MAPK10: variants seen among roughly 807,000 people sequenced by gnomAD.
MAPK10 encodes mitogen-activated protein kinase 10.
Under a neutral mutation model 59.3 loss-of-function variants are expected in MAPK10, and 25 were observed. The observed-to-expected ratio is 0.42, with a 90% CI of 0.31 to 0.59. The LOEUF is 0.59. Among genes scored for constraint, MAPK10 ranks in the 20% least tolerant of loss-of-function variants. The pLI is 0.15. For missense variants in MAPK10, 351 were observed against 568.9 expected (o/e 0.62, Z 3.90); for synonymous variants, 190 against 200.5 (o/e 0.95, Z 0.44).
intron 4 of MAPK10, among the ~76,000 whole-genome samples, chr4:86,155,877 A>G (rs971957364): frequency 7.2e-5 from 11 of 152,024 alleles, no homozygotes; most frequent in Admixed American, 5.2e-4. Flanking sequence ...AAATTTGAAC[A>G]CAAGCACTGC....
intron 1 of MAPK10, among the ~76,000 whole-genome samples, chr4:86,431,954 C>T (rs1748100268): frequency 6.6e-6 from 1 of 152,192 alleles, no homozygotes; most frequent in South Asian, 2.1e-4. Context: ...CTGCCCAGAA[C>T]CACTTCATGG....
chr4:86,128,548 C>T (rs1385514087), intron 4 of MAPK10, among the ~76,000 whole-genome samples: 5 of 152,044 alleles, frequency 3.3e-5, no homozygotes, highest in Non-Finnish European at 4.4e-5. Context: ...TTGTAATTTT[C>T]CTGAAGGCCT....
rs568141725 is a variant in MAPK10 at position 86,445,957 on chromosome 4, G to A, written c.-122+7073C>T. On this transcript the variant is annotated intron_variant, in intron 1 of 13. Transcript: ENST00000361569. ...GATTAGAGAAGGAATAAAGGAACAGGTAAAGGTAAAGAAAAAAATCTTAAT... is the reference window on the plus strand; with the variant it reads ...GATTAGAGAAGGAATAAAGGAACAGATAAAGGTAAAGAAAAAAATCTTAAT... Among the ~76,000 whole-genome samples the A allele has an allele frequency of 3.3e-5, 5 of 152,176 alleles. No individual in the cohort carries two copies. The East Asian group carries it at 5.8e-4, about 18-fold the overall frequency.
chr4:86,523,184 T>C (rs1253604362), intron 1 of MAPK10, among the ~76,000 whole-genome samples: 2 of 152,208 alleles, frequency 1.3e-5, no homozygotes, highest in Non-Finnish European at 2.9e-5. Context: ...AGCTATTTAT[T>C]CAATATTCAC....
At chr4:86,431,801 G>A (rs140769142) in intron 1 of MAPK10, among the ~76,000 whole-genome samples, 2 of 152,226 alleles carry the variant, frequency 1.3e-5, no homozygotes, top group East Asian at 3.9e-4. Flanking sequence ...ATGTGCATTC[G>A]CATTGAGCTT....
chr4:86,381,906 C>T (rs1332244575), intron 1 of MAPK10, among the ~76,000 whole-genome samples: 1 of 152,092 alleles, frequency 6.6e-6, no homozygotes, highest in Non-Finnish European at 1.5e-5. Context: ...GCAAGAGATG[C>T]AGTCAACTGA....
At chr4:86,423,760 G>GATATATATACATATATATATATATATAT (rs1311066162) in intron 1 of MAPK10, among the ~76,000 whole-genome samples, 2 of 117,148 alleles carry the variant, frequency 1.7e-5, no homozygotes, top group Non-Finnish European at 3.5e-5. Flanking sequence ...TAATTAGTGG[G>GATATATATACATATATATATATATATAT]ATATATATAC....
intron 11 of MAPK10, chr4:86,032,248 A>G (rs1372051002): frequency 6.6e-6 from 1 of 152,192 alleles, no homozygotes; most frequent in African/African-American, 2.4e-5. Context: ...TGGAATCTCA[A>G]ATAAATTCTC....
At position 86,017,235 on chromosome 4, in the gene MAPK10, C is replaced by G; in HGVS notation, c.1388G>C (p.Cys463Ser). The change falls in exon 14 of 14, where the codon TGC becomes TCC. Residue 463 changes from cysteine (C) to serine (S), a missense_variant. Physicochemically the swap from Cys to Ser is moderately radical, Grantham distance 112. Coordinates refer to ENST00000641462, the MANE Select transcript of MAPK10 (RefSeq NM_138982.4). The surrounding 1 kb of genome is among the most constrained non-coding windows in gnomAD (Gnocchi z 4.4). ...TCGCAGGCAGGCGGCTAGTCACCTGCAACAACCCAGGGGTCCTGCCGAGGC... is the reference window on the plus strand; with the variant it reads ...TCGCAGGCAGGCGGCTAGTCACCTGGAACAACCCAGGGGTCCTGCCGAGGC... ...LEASAGPLGC[C>S]R The G allele has an allele frequency of 6.2e-7, 1 of 1,613,860 alleles. No homozygotes were observed. Among genetic ancestry groups the G allele is most frequent in the Non-Finnish European group, 8.5e-7 (1 of 1,179,906 alleles).
chr4:86,281,527 A>G (rs2094804543), intron 2 of MAPK10, among the ~76,000 whole-genome samples: 1 of 150,780 alleles, frequency 6.6e-6, no homozygotes, highest in Non-Finnish European at 1.5e-5. Context: ...AAAATAAAAT[A>G]AAATAAAATA....
chr4:86,378,766 G>A (rs527416163), intron 1 of MAPK10, among the ~76,000 whole-genome samples: 6 of 152,298 alleles, frequency 3.9e-5, no homozygotes, highest in African/African-American at 9.6e-5. Context: ...GATAGGCCTT[G>A]GGAGAGGCAC....
chr4:86,115,396 G>C (rs1288274841), intron 4 of MAPK10, among the ~76,000 whole-genome samples: 6 of 151,978 alleles, frequency 3.9e-5, no homozygotes, highest in African/African-American at 1.4e-4. Flanking sequence ...AGAGAACCTG[G>C]ATACGTCAGT....
chr4:86,333,967 G>A (rs541264270), intron 2 of MAPK10, among the ~76,000 whole-genome samples: 1 of 152,024 alleles, frequency 6.6e-6, no homozygotes, highest in Non-Finnish European at 1.5e-5. Flanking sequence ...GTCAAGGTTT[G>A]TTCCTAGAAT....
At chr4:86,075,825 C>A (rs1268305516) in intron 9 of MAPK10, among the ~76,000 whole-genome samples, 1 of 152,158 alleles carries the variant, frequency 6.6e-6, no homozygotes, top group African/African-American at 2.4e-5. Flanking sequence ...TTTAAGTCTG[C>A]AGAGGTTACT....
intron 2 of MAPK10, among the ~76,000 whole-genome samples, chr4:86,227,497 A>AAG (rs1554110245): frequency 1.8e-4 from 28 of 151,686 alleles, no homozygotes; most frequent in African/African-American, 4.1e-4. Context: ...AAAAAAAAAA[A>AAG]AAAGAAAGAA....
At chr4:86,562,890 C>T (rs1208520025) in intron 1 of MAPK10, among the ~76,000 whole-genome samples, 1 of 152,144 alleles carries the variant, frequency 6.6e-6, no homozygotes, top group Non-Finnish European at 1.5e-5. Flanking sequence ...ATTCATATGC[C>T]ACTTCTTCCA....
intron 1 of MAPK10, among the ~76,000 whole-genome samples, chr4:86,441,999 C>T (rs893995966): frequency 4.6e-5 from 7 of 152,150 alleles, no homozygotes; most frequent in African/African-American, 1.4e-4. Context: ...AGCAAAAATT[C>T]GTACATTCCC....
chr4:86,286,750 GA>G (rs1458325462), intron 2 of MAPK10, among the ~76,000 whole-genome samples: 4 of 152,188 alleles, frequency 2.6e-5, no homozygotes, highest in East Asian at 1.9e-4. Flanking sequence ...GGAATGAGGA[GA>G]GGGGGAAGGT....
intron 11 of MAPK10, among the ~76,000 whole-genome samples, chr4:86,046,972 CAT>C (rs1332206401): frequency 2.6e-5 from 4 of 151,988 alleles, no homozygotes; most frequent in Admixed American, 6.6e-5. Context: ...AACAGTGACA[CAT>C]AGAGAAAAAA....
Sources: allele counts gnomAD v4.1 joint callset (sites outside exome capture counted in the v4.1 genomes callset), GRCh38; gene constraint gnomAD v4.1.1; non-coding constraint Gnocchi (gnomAD v3.1); transcripts MANE v1.5; gene names NCBI Gene and HGNC (gene_info 2026-07-23, HGNC 2026-07-21).